PPP4R3B: variants seen among roughly 807,000 people sequenced by gnomAD.
PPP4R3B encodes protein phosphatase 4 regulatory subunit 3B.
In PPP4R3B, 52 loss-of-function variants were observed where a neutral mutation model predicts 95.4. The ratio of observed to expected loss-of-function variants is 0.54; its 90% CI spans 0.44 to 0.69. The LOEUF is 0.69. PPP4R3B is among the 30% of genes least tolerant of loss of function. The probability of loss-of-function intolerance (pLI) is 0.00; values close to 1 mark genes in which losing one functional copy is unlikely to be tolerated. For missense variants in PPP4R3B, 1,003 were observed against 1,005.9 expected, an observed-to-expected ratio of 1.00 and a Z score of 0.04; for synonymous variants, 407 against 343.9, an observed-to-expected ratio of 1.18 and a Z score of -2.03.
intron 14 of PPP4R3B, 88 bp downstream of exon 14, chr2:55,564,814 C>A: frequency 6.7e-7 from 1 of 1,494,494 alleles, no homozygotes. Context: ...AAGAAAATTC[C>A]TCAGTAAATT....
intron 9 of PPP4R3B, among the ~76,000 whole-genome samples, chr2:55,579,311 T>G (rs1464634132): frequency 6.6e-6 from 1 of 152,150 alleles, no homozygotes; most frequent in Non-Finnish European, 1.5e-5. Flanking sequence ...TTGCTTCTAC[T>G]CATTCTAGAT....
In PPP4R3B at chr2:55,600,592, C is replaced by T. The variant is rs530988108; in HGVS notation, c.298-1553G>A. On this transcript the variant is annotated intron_variant, in intron 3 of 16. Coordinates refer to ENST00000616407, the MANE Select transcript of PPP4R3B (RefSeq NM_001122964.3). Reference sequence around the variant, plus strand: ...AGATATGATTTTGTGAAATATCATGCAGTAGTTAGGAGCAAAAAACTAAAT... The same window carrying T: ...AGATATGATTTTGTGAAATATCATGTAGTAGTTAGGAGCAAAAAACTAAAT... Among the ~76,000 whole-genome samples the T allele has an allele frequency of 7.2e-5, 11 of 151,914 alleles. No homozygotes were observed. The East Asian group carries it at 2.1e-3, about 29-fold the overall frequency.
At chr2:55,551,217 G>A (rs573725420) in intron 16 of PPP4R3B, among the ~76,000 whole-genome samples, 101 of 152,072 alleles carry the variant, frequency 6.6e-4, no homozygotes, top group Non-Finnish European at 1.3e-3. Context: ...AGCCTGGCGT[G>A]ATGGCAGGCA....
At chr2:55,592,325 T>C (rs1475213329) in intron 4 of PPP4R3B, among the ~76,000 whole-genome samples, 1 of 152,180 alleles carries the variant, frequency 6.6e-6, no homozygotes, top group Non-Finnish European at 1.5e-5. Context: ...AATGAGGTTT[T>C]TGTCACTCCT....
intron 12 of PPP4R3B, among the ~76,000 whole-genome samples, chr2:55,569,861 C>G (rs1558968153): frequency 6.6e-6 from 1 of 152,018 alleles, no homozygotes; most frequent in Non-Finnish European, 1.5e-5. Context: ...GGAGAAAAAC[C>G]CACCGACCCT....
rs58617547 is a variant in PPP4R3B, at chr2:55,609,667, C to CA, written c.199-5592dup. ...TCGGCAACAAAGCAAGACTGTGTCT[C>CA]AAAAAAAAAAAAAACAAAAAAAACA... On this transcript the variant is annotated intron_variant, in intron 2 of 16. Coordinates refer to ENST00000616407, the MANE Select transcript of PPP4R3B (RefSeq NM_001122964.3). Among the ~76,000 whole-genome samples the CA allele has an allele frequency of 2.9e-3, 295 of 103,306 alleles. 1 individual carries two copies. The highest frequency in any genetic ancestry group is 2.6e-3 in the Non-Finnish European group (128 of 49,194). The allele number at this position is 103,306 out of a possible 152,430, so 67.8% of individuals were successfully genotyped here. A position where few individuals can be genotyped will look rare whatever the true frequency, so the allele number is the denominator to read the frequency against.
At chr2:55,581,044 G>C (rs984023760) in intron 8 of PPP4R3B, among the ~76,000 whole-genome samples, 2 of 152,068 alleles carry the variant, frequency 1.3e-5, no homozygotes, top group Non-Finnish European at 2.9e-5. Context: ...CCTGAGGTCA[G>C]GGGTTCAAGA....
At chr2:55,615,262 AATG>A in intron 2 of PPP4R3B, 186 bp downstream of exon 2, 1 of 546,228 alleles carries the variant, frequency 1.8e-6, no homozygotes. Context: ...TCAATCCAAA[AATG>A]ATAATTATCA....
intron 16 of PPP4R3B, among the ~76,000 whole-genome samples, chr2:55,554,925 T>C (rs1196684282): frequency 1.3e-5 from 2 of 152,188 alleles, no homozygotes; most frequent in Non-Finnish European, 1.5e-5. Flanking sequence ...TTGGATATGA[T>C]GTGAGATAGG....
rs536273770 is a variant in PPP4R3B at position 55,555,737 on chromosome 2, G to A, written c.2454+3038C>T. 1.2e-3 allele frequency among the ~76,000 whole-genome samples: 175 copies of A among 152,122 alleles called. No homozygotes were observed. The Middle Eastern group carries it at 0.02, about 18-fold the overall frequency. On this transcript the variant is annotated intron_variant, in intron 16 of 16. Transcript: ENST00000616407. Reference sequence around the variant, plus strand: ...CTTTAATGCCCATCACATTGATAGGGGCTAATTATAAATTGTTATATCCAT... The same window carrying A: ...CTTTAATGCCCATCACATTGATAGGAGCTAATTATAAATTGTTATATCCAT...
chr2:55,555,002 C>T (rs545897101), intron 16 of PPP4R3B, among the ~76,000 whole-genome samples: 145 of 152,170 alleles, frequency 9.5e-4, no homozygotes, highest in African/African-American at 3.4e-3. Context: ...GTATTGTGGC[C>T]GGGCGCGGTG....
Position 55,586,748 on chromosome 2 carries a change from A to T in PPP4R3B, c.1000-14T>A. ...GAAAAAATTAACCTGTAATGTCAGA[A>T]ATTTTAGTGAGACATTGATAAACAT... is the stretch of plus-strand genomic sequence containing the variant. On this transcript the variant is annotated splice_polypyrimidine_tract_variant and intron_variant, in intron 5 of 16. Transcript: ENST00000616407. The T allele has an allele frequency of 1.3e-6, 2 of 1,485,282 alleles. No individual in the cohort carries two copies. The highest frequency in any genetic ancestry group is 1.9e-6 in the Non-Finnish European group (2 of 1,072,630). The allele number at this position is 1,485,282 out of a possible 1,614,324, so 92.0% of individuals were successfully genotyped here. A position where few individuals can be genotyped will look rare whatever the true frequency, so the allele number is the denominator to read the frequency against.
chr2:55,550,112 C>T (rs1685077017), intron 16 of PPP4R3B, 106 bp from the exon 17 acceptor site: 1 of 747,178 alleles, frequency 1.3e-6, no homozygotes, highest in Non-Finnish European at 2.2e-6. Context: ...TTTTCTAAAT[C>T]ATATCAGAAA....
intron 2 of PPP4R3B, among the ~76,000 whole-genome samples, chr2:55,607,095 A>G (rs1276645589): frequency 6.6e-6 from 1 of 152,228 alleles, no homozygotes; most frequent in East Asian, 1.9e-4. Flanking sequence ...ATAGGCTACA[A>G]TAATTCACAA....
chr2:55,579,837 C>A, intron 8 of PPP4R3B, 56 bp from the exon 9 acceptor site: 1 of 1,137,230 alleles, frequency 8.8e-7, no homozygotes, highest in South Asian at 1.4e-5. Context: ...AAAACATCTT[C>A]AAGATTAGCA....
chr2:55,602,338 C>G (rs764262614), intron 3 of PPP4R3B, among the ~76,000 whole-genome samples: 10 of 152,194 alleles, frequency 6.6e-5, no homozygotes, highest in Non-Finnish European at 7.3e-5. Context: ...AAGGAGTGGC[C>G]TGTGCAGTAA....
rs1695140289 is a variant in PPP4R3B at position 55,617,538 on chromosome 2, C to A, written c.-253G>T. 1 of 394,982 alleles carries A rather than the reference C, an allele frequency of 2.5e-6. No individual in the cohort carries two copies. The highest frequency in any genetic ancestry group is 4.5e-6 in the Non-Finnish European group (1 of 220,294). 24.5% of individuals were successfully genotyped at this position (394,982 alleles called of 1,614,324 possible). A position where few individuals can be genotyped will look rare whatever the true frequency, so the allele number is the denominator to read the frequency against. On this transcript the variant is annotated 5_prime_UTR_variant, in exon 1 of 17. Coordinates refer to ENST00000616407, the MANE Select transcript of PPP4R3B (RefSeq NM_001122964.3). ...CACCCACTCTCCCGTCTCTTTGCCC[C>A]CCAGGGCTCGCTTGCTCTCCCGCCG...
chr2:55,582,568 T>C (rs768406102), intron 7 of PPP4R3B, among the ~76,000 whole-genome samples: 1 of 152,216 alleles, frequency 6.6e-6, no homozygotes, highest in Non-Finnish European at 1.5e-5. Context: ...AAAATTAAGA[T>C]ACATTTTGTA....
intron 2 of PPP4R3B, among the ~76,000 whole-genome samples, chr2:55,608,236 C>A (rs1028110830): frequency 6.6e-6 from 1 of 152,232 alleles, no homozygotes; most frequent in East Asian, 1.9e-4. Flanking sequence ...AACCCCCGAC[C>A]TCAGGTGATC....
Sources: allele counts gnomAD v4.1 joint callset (sites outside exome capture counted in the v4.1 genomes callset), GRCh38; gene constraint gnomAD v4.1.1; transcripts MANE v1.5; gene names NCBI Gene and HGNC (gene_info 2026-07-23, HGNC 2026-07-21).